The following NR5A2 variants were observed in gnomAD, a reference collection of about 807,000 sequenced individuals.
NR5A2 encodes the protein nuclear receptor subfamily 5 group A member 2, also known as CYP7A promoter-binding factor.
Under a neutral mutation model 62.7 loss-of-function variants are expected in NR5A2, and 26 were observed. The ratio of observed to expected loss-of-function variants is 0.41; its 90% CI spans 0.30 to 0.58. The LOEUF is 0.58. NR5A2 is among the 20% of genes least tolerant of loss of function. The probability of loss-of-function intolerance (pLI) is 0.22; values close to 1 mark genes in which losing one functional copy is unlikely to be tolerated. For missense variants in NR5A2, 541 were observed against 669.1 expected (o/e 0.81, Z 2.11); for synonymous variants, 246 against 241.7 (o/e 1.02, Z -0.16).
chr1:200,045,439 A>G lies in NR5A2; in HGVS notation c.322-4A>G, dbSNP rs1202341651. The G allele has an allele frequency of 3.8e-6, 6 of 1,596,572 alleles. No homozygotes were observed. The African/African-American group carries it at 8.1e-5, about 22-fold the overall frequency. On this transcript the variant is annotated splice_region_variant and splice_polypyrimidine_tract_variant and intron_variant, in intron 3 of 7. Transcript: ENST00000367362. ...TACGTCTCACTATTTTCTCTGTCTT[A>G]TAGGGATTTTTTAAGCGAACAGTCC...
chr1:200,147,778 ATGCCGGCAC>A lies in NR5A2; in HGVS notation c.1379-26184_1379-26176del. ...GATGCCGGCGCGAATGCCGGCACGG[ATGCCGGCAC>A]GGTGGGCAGCCGCCGTGGCGTCCAG... On this transcript the variant is annotated intron_variant, in intron 7 of 7. Transcript: ENST00000367362. This position sits in a 1 kb window ranked among gnomAD's most constrained non-coding sequence, Gnocchi z 4.9. The A allele has an allele frequency of 4.0e-6, 1 of 247,146 alleles. No homozygotes were observed. The highest frequency in any genetic ancestry group is 6.9e-5 in the East Asian group (1 of 14,506). The allele number at this position is 247,146 out of a possible 1,614,324, so 15.3% of individuals were successfully genotyped here.
At chr1:200,075,258 T>A (rs1173782703) in intron 5 of NR5A2, among the ~76,000 whole-genome samples, 1 of 152,208 alleles carries the variant, frequency 6.6e-6, no homozygotes, top group Non-Finnish European at 1.5e-5. Context: ...TGACTGCATA[T>A]CCCACTGAAC....
chr1:200,085,470 AT>A (rs1664478742), intron 5 of NR5A2, among the ~76,000 whole-genome samples: 1 of 152,178 alleles, frequency 6.6e-6, no homozygotes, highest in South Asian at 2.1e-4. Context: ...TTGGCTTCAA[AT>A]CCCCTTCCAT....
intron 7 of NR5A2, among the ~76,000 whole-genome samples, chr1:200,155,560 A>G (rs889325109): frequency 6.6e-6 from 1 of 152,242 alleles, no homozygotes; most frequent in African/African-American, 2.4e-5. Context: ...TGCCAGGTCG[A>G]CTACCAGTTT....
chr1:200,047,819 C>T (rs370969166), intron 4 of NR5A2, among the ~76,000 whole-genome samples: 1 of 152,130 alleles, frequency 6.6e-6, no homozygotes, highest in East Asian at 1.9e-4. Context: ...CTCAGGTGAT[C>T]CACCCGCCTT....
Position 200,147,552 on chromosome 1 carries a change from C to A in NR5A2, c.1379-26411C>A. ...GTTTCTGTGATTTCCTTGGTTTCTCCATTGGTGTGCTTAAAGCGATCTCCT... is the reference window on the plus strand; with the variant it reads ...GTTTCTGTGATTTCCTTGGTTTCTCAATTGGTGTGCTTAAAGCGATCTCCT... On this transcript the variant is annotated intron_variant, in intron 7 of 7. Coordinates refer to ENST00000367362, the MANE Select transcript of NR5A2 (RefSeq NM_205860.3). The surrounding 1 kb of genome is among the most constrained non-coding windows in gnomAD (Gnocchi z 4.9). 1.4e-6 allele frequency: 1 copy of A among 694,014 alleles called. No homozygotes were observed. The highest frequency in any genetic ancestry group is 2.7e-6 in the Non-Finnish European group (1 of 370,576). 43.0% of individuals were successfully genotyped at this position (694,014 alleles called of 1,614,324 possible). A position where few individuals can be genotyped will look rare whatever the true frequency, so the allele number is the denominator to read the frequency against.
At chr1:200,086,461 A>T (rs1664530888) in intron 5 of NR5A2, among the ~76,000 whole-genome samples, 1 of 151,854 alleles carries the variant, frequency 6.6e-6, no homozygotes. Context: ...GCGCCACCAT[A>T]CCCAGCTAAT....
intron 1 of NR5A2, among the ~76,000 whole-genome samples, chr1:200,030,260 T>C (rs894313654): frequency 2.6e-5 from 4 of 152,176 alleles, no homozygotes. Context: ...AATTCAGTTG[T>C]GTTGTACTAG....
At chr1:200,164,796 C>T (rs1653815898) in intron 7 of NR5A2, among the ~76,000 whole-genome samples, 1 of 151,552 alleles carries the variant, frequency 6.6e-6, no homozygotes, top group Admixed American at 6.6e-5. Flanking sequence ...GATCCACCCG[C>T]CTTGGCCTCT....
chr1:200,170,721 T>C (rs951946775), intron 7 of NR5A2, among the ~76,000 whole-genome samples: 3 of 152,210 alleles, frequency 2.0e-5, no homozygotes, highest in African/African-American at 7.2e-5. Flanking sequence ...GTGAAAATCC[T>C]CATTTGCAAA....
At chr1:200,035,232 C>T (rs1661722148) in intron 1 of NR5A2, among the ~76,000 whole-genome samples, 1 of 152,120 alleles carries the variant, frequency 6.6e-6, no homozygotes, top group Admixed American at 6.5e-5. Flanking sequence ...AGTAATTGTC[C>T]TGGTTTCTTA....
At position 200,147,557 on chromosome 1, in the gene NR5A2, G is replaced by C; in HGVS notation, c.1379-26406G>C. On this transcript the variant is annotated intron_variant, in intron 7 of 7. Transcript: ENST00000367362. The surrounding 1 kb of genome is among the most constrained non-coding windows in gnomAD (Gnocchi z 4.9). ...TGTGATTTCCTTGGTTTCTCCATTGGTGTGCTTAAAGCGATCTCCTCTACA... is the reference window on the plus strand; with the variant it reads ...TGTGATTTCCTTGGTTTCTCCATTGCTGTGCTTAAAGCGATCTCCTCTACA... The C allele has an allele frequency of 2.9e-6, 2 of 696,458 alleles. No homozygotes were observed. The highest frequency in any genetic ancestry group is 5.4e-6 in the Non-Finnish European group (2 of 372,544). The allele number at this position is 696,458 out of a possible 1,614,324, so 43.1% of individuals were successfully genotyped here.
At chr1:200,031,843 G>C (rs1280480908) in intron 1 of NR5A2, among the ~76,000 whole-genome samples, 1 of 152,042 alleles carries the variant, frequency 6.6e-6, no homozygotes, top group Non-Finnish European at 1.5e-5. Context: ...GCCTCCCAAA[G>C]TGCTGGGATT....
intron 5 of NR5A2, among the ~76,000 whole-genome samples, chr1:200,077,269 C>A (rs1664084076): frequency 6.6e-6 from 1 of 152,182 alleles, no homozygotes; most frequent in South Asian, 2.1e-4. Context: ...GACTTTTAAA[C>A]AACAGCCAAA....
intron 5 of NR5A2, among the ~76,000 whole-genome samples, chr1:200,063,978 G>A (rs947268088): frequency 2.6e-5 from 4 of 151,998 alleles, no homozygotes; most frequent in Admixed American, 6.6e-5. Context: ...GCAAAACCCC[G>A]TCTCTACTAA....
At chr1:200,125,297 G>C in intron 7 of NR5A2, among the ~76,000 whole-genome samples, 1 of 152,184 alleles carries the variant, frequency 6.6e-6, no homozygotes. Flanking sequence ...TTCTTTCTTG[G>C]CATTGATACA....
chr1:200,135,245 G>A (rs1411512567), intron 7 of NR5A2, among the ~76,000 whole-genome samples: 1 of 152,224 alleles, frequency 6.6e-6, no homozygotes, highest in Non-Finnish European at 1.5e-5. Flanking sequence ...ATGAGGCCAG[G>A]TGCAGCGGCT....
chr1:200,122,719 C>T (rs1175781913), intron 7 of NR5A2, among the ~76,000 whole-genome samples: 1 of 152,162 alleles, frequency 6.6e-6, no homozygotes, highest in Non-Finnish European at 1.5e-5. Context: ...GAGCCCAGTA[C>T]ACCAGTGAAT....
In NR5A2 at chr1:200,147,190, C is replaced by T. The variant is rs1667742412; in HGVS notation, c.1378+26235C>T. On this transcript the variant is annotated intron_variant, in intron 7 of 7. Coordinates refer to ENST00000367362, the MANE Select transcript of NR5A2 (RefSeq NM_205860.3). This position sits in a 1 kb window ranked among gnomAD's most constrained non-coding sequence, Gnocchi z 4.9. ...GTGAGATAAAGAAGCAATTGTTTCA[C>T]GCAAAAAATAGAGGGGGGCACCTCG... Among the ~76,000 whole-genome samples the T allele has an allele frequency of 6.6e-6, 1 of 152,140 alleles. No individual in the cohort carries two copies. The highest frequency in any genetic ancestry group is 2.1e-4 in the South Asian group (1 of 4,834).
Sources: gnomAD v4.1 joint callset for allele counts (sites outside exome capture counted in the v4.1 genomes callset) on GRCh38, gnomAD v4.1.1 for gene constraint, Gnocchi (gnomAD v3.1) non-coding constraint, MANE v1.5 for transcripts, NCBI Gene and HGNC (gene_info 2026-07-23, HGNC 2026-07-21) for gene names.